The following NAALADL2 variants were observed in gnomAD, a reference collection of about 807,000 sequenced individuals.
The protein encoded by NAALADL2 is N-acetylated alpha-linked acidic dipeptidase like 2.
Under a neutral mutation model 87.2 loss-of-function variants are expected in NAALADL2, and 76 were observed. The ratio of observed to expected loss-of-function variants is 0.87; its 90% confidence interval spans 0.72 to 1.05. The LOEUF is 1.05. NAALADL2 is among the 50% of genes least tolerant of loss of function. The pLI is 0.00. For missense variants in NAALADL2, 1,089 were observed against 945.8 expected (o/e 1.15, Z -1.99); for synonymous variants, 354 against 331.0 (o/e 1.07, Z -0.75).
At chr3:174,831,170 A>G (rs887910093) in intron 3 of NAALADL2, among the ~76,000 whole-genome samples, 8 of 152,056 alleles carry the variant, frequency 5.3e-5, no homozygotes, top group Admixed American at 1.3e-4. Context: ...GAGAGAGGGC[A>G]TCCTTGTCTT....
intron 1 of NAALADL2, among the ~76,000 whole-genome samples, chr3:174,868,407 T>C (rs1345906788): frequency 6.6e-6 from 1 of 152,146 alleles, no homozygotes; most frequent in Non-Finnish European, 1.5e-5. Flanking sequence ...ATTAAAAACA[T>C]AAATATGCCA....
intron 12 of NAALADL2, among the ~76,000 whole-genome samples, chr3:175,739,684 G>A (rs1341712023): frequency 6.6e-6 from 1 of 151,944 alleles, no homozygotes; most frequent in African/African-American, 2.4e-5. Flanking sequence ...GGTATACTTG[G>A]CACAGTTCCA....
Position 175,240,641 on chromosome 3 carries a change from G to A in NAALADL2, c.819+6437G>A, listed in dbSNP as rs531930085. Among the ~76,000 whole-genome samples, 52 of 152,092 alleles carry A rather than the reference G, an allele frequency of 3.4e-4. 1 individual carries two copies. The South Asian group carries it at 0.01, about 30-fold the overall frequency. Reference sequence around the variant, plus strand: ...TCACCAACACAGAAATGTGAACTTCGAAGTTTTTGTTTGTTTGTTTGTTTG... The same window carrying A: ...TCACCAACACAGAAATGTGAACTTCAAAGTTTTTGTTTGTTTGTTTGTTTG... On this transcript the variant is annotated intron_variant, in intron 3 of 13. Transcript: ENST00000454872.
chr3:174,898,988 C>T (rs1328913984), intron 1 of NAALADL2, among the ~76,000 whole-genome samples: 3 of 152,016 alleles, frequency 2.0e-5, no homozygotes, highest in African/African-American at 7.2e-5. Flanking sequence ...GTGCACTTTT[C>T]TGTATAGATA....
At chr3:174,766,313 A>C (rs1713795796) in intron 3 of NAALADL2, among the ~76,000 whole-genome samples, 1 of 152,194 alleles carries the variant, frequency 6.6e-6, no homozygotes, top group Admixed American at 6.5e-5. Flanking sequence ...ATTTTGAAGT[A>C]GTCATTTTAA....
chr3:175,677,572 AT>A (rs556834497), intron 11 of NAALADL2, among the ~76,000 whole-genome samples: 73 of 151,786 alleles, frequency 4.8e-4, no homozygotes, highest in Non-Finnish European at 9.4e-4. Flanking sequence ...AGAACCAAAA[AT>A]AGCTCATTGG....
intron 9 of NAALADL2, among the ~76,000 whole-genome samples, chr3:175,559,040 A>AT (rs1253312056): frequency 2.0e-5 from 3 of 151,810 alleles, no homozygotes; most frequent in Non-Finnish European, 4.4e-5. Flanking sequence ...AACAATATTG[A>AT]TTTTTTTCAA....
chr3:175,145,712 C>A (rs1007628898), intron 2 of NAALADL2, among the ~76,000 whole-genome samples: 1 of 151,818 alleles, frequency 6.6e-6, no homozygotes, highest in African/African-American at 2.4e-5. Flanking sequence ...ATTGCTATTG[C>A]AAAACTAAAT....
chr3:174,691,176 C>A (rs996337579), intron 2 of NAALADL2, among the ~76,000 whole-genome samples: 6 of 152,124 alleles, frequency 3.9e-5, no homozygotes, highest in Non-Finnish European at 5.9e-5. Context: ...CATTGGGAGG[C>A]TGAGGCGTGT....
At chr3:175,602,946 C>G (rs1424535091) in intron 10 of NAALADL2, among the ~76,000 whole-genome samples, 1 of 152,162 alleles carries the variant, frequency 6.6e-6, no homozygotes, top group Non-Finnish European at 1.5e-5. Flanking sequence ...CTCCCTTTCT[C>G]TCCTTCTCCC....
intron 1 of NAALADL2, among the ~76,000 whole-genome samples, chr3:174,533,270 C>T (rs907933375): frequency 2.0e-5 from 3 of 151,622 alleles, no homozygotes; most frequent in African/African-American, 7.3e-5. Context: ...AGGCACCCCT[C>T]TGCATAGAAG....
chr3:175,743,532 A>T (rs184172582), intron 12 of NAALADL2, among the ~76,000 whole-genome samples: 1 of 152,320 alleles, frequency 6.6e-6, no homozygotes, highest in East Asian at 1.9e-4. Context: ...TACATAAAGG[A>T]TGTATGTAAT....
intron 10 of NAALADL2, among the ~76,000 whole-genome samples, chr3:175,576,913 C>T (rs76362237): frequency 1.8e-4 from 27 of 152,196 alleles, no homozygotes; most frequent in African/African-American, 6.0e-4. Flanking sequence ...CTGGAAAGTA[C>T]GGTAAAATCT....
intron 11 of NAALADL2, among the ~76,000 whole-genome samples, chr3:175,712,864 A>G (rs1006189339): frequency 2.0e-5 from 3 of 152,046 alleles, no homozygotes; most frequent in Admixed American, 1.3e-4. Flanking sequence ...TGGAGCTCCA[A>G]ATTACTATGA....
chr3:175,230,554 C>G (rs1329283829), intron 2 of NAALADL2, among the ~76,000 whole-genome samples: 1 of 151,938 alleles, frequency 6.6e-6, no homozygotes, highest in Non-Finnish European at 1.5e-5. Flanking sequence ...CAAATTAAAA[C>G]CACAATGGGA....
chr3:175,295,212 A>C (rs536794314), intron 4 of NAALADL2, among the ~76,000 whole-genome samples: 5 of 152,134 alleles, frequency 3.3e-5, no homozygotes, highest in Non-Finnish European at 5.9e-5. Context: ...CTGTATGTTC[A>C]AAGAGAGTTT....
intron 2 of NAALADL2, among the ~76,000 whole-genome samples, chr3:174,625,477 T>A (rs1721483678): frequency 9.2e-6 from 1 of 108,874 alleles, no homozygotes; most frequent in African/African-American, 4.1e-5. Flanking sequence ...AATTTGGCAT[T>A]TTTTTCTTTT....
chr3:174,960,926 A>C (rs1208621753), intron 1 of NAALADL2, among the ~76,000 whole-genome samples: 1 of 151,616 alleles, frequency 6.6e-6, no homozygotes, highest in Non-Finnish European at 1.5e-5. Context: ...AGTTCCAGCT[A>C]CTTAAGAGGC....
At chr3:175,373,456 A>G (rs1766747371) in intron 5 of NAALADL2, among the ~76,000 whole-genome samples, 1 of 152,138 alleles carries the variant, frequency 6.6e-6, no homozygotes, top group Admixed American at 6.5e-5. Context: ...TTTTTTGCTC[A>G]GCATGTTTTT....
Sources: allele counts gnomAD v4.1 joint callset (sites outside exome capture counted in the v4.1 genomes callset), GRCh38; gene constraint gnomAD v4.1.1; transcripts MANE v1.5; gene names NCBI Gene and HGNC (gene_info 2026-07-23, HGNC 2026-07-21).